P3H2: variants seen among roughly 807,000 people sequenced by gnomAD.
P3H2 encodes prolyl 3-hydroxylase 2, also known as leprecan-like 1.
Under a neutral mutation model 87.0 loss-of-function variants are expected in P3H2, and 80 were observed. That is an observed-to-expected ratio of 0.92 (90% CI 0.77 to 1.11). The LOEUF (loss-of-function observed/expected upper bound fraction) is 1.11. Among genes scored for constraint, P3H2 ranks in the 50% least tolerant of loss-of-function variants. The probability of loss-of-function intolerance (pLI) is 0.00; values close to 1 mark genes in which losing one functional copy is unlikely to be tolerated. For missense variants in P3H2, 1,001 were observed against 923.9 expected, an observed-to-expected ratio of 1.08 and a Z score of -1.08; for synonymous variants, 367 against 359.3, an observed-to-expected ratio of 1.02 and a Z score of -0.24.
chr3:189,970,191 A>AATATATATATATATATATATATATAT lies in P3H2; in HGVS notation c.1893+599_1893+624dup, dbSNP rs71175322. Among the ~76,000 whole-genome samples the AATATATATATATATATATATATATAT allele has an allele frequency of 4.2e-3, 225 of 53,882 alleles. 13 individuals carry two copies. The highest frequency in any genetic ancestry group is 7.5e-3 in the East Asian group (8 of 1,062). 35.3% of individuals were successfully genotyped at this position (53,882 alleles called of 152,430 possible). On this transcript the variant is annotated intron_variant, in intron 13 of 14. Coordinates refer to ENST00000319332, the MANE Select transcript of P3H2 (RefSeq NM_018192.4). ...ATCTCTCTATGCATATATATATGCA[A>AATATATATATATATATATATATATAT]ATATATATATATATATATATATATA...
chr3:189,972,622 C>T (rs1483911571), intron 11 of P3H2, among the ~76,000 whole-genome samples: 1 of 150,946 alleles, frequency 6.6e-6, no homozygotes, highest in East Asian at 1.9e-4. Flanking sequence ...ATTTTTTTTT[C>T]CCAAGACTTC....
At chr3:190,090,058 G>C (rs1451918001) in intron 1 of P3H2, among the ~76,000 whole-genome samples, 1 of 152,052 alleles carries the variant, frequency 6.6e-6, no homozygotes, top group East Asian at 1.9e-4. Flanking sequence ...CTTCTCTGTA[G>C]GTAGATTTAT....
intron 4 of P3H2, among the ~76,000 whole-genome samples, chr3:189,988,583 A>AT (rs1298062637): frequency 6.6e-6 from 1 of 152,184 alleles, no homozygotes; most frequent in Non-Finnish European, 1.5e-5. Flanking sequence ...ATAATAAATA[A>AT]TGTTTTGTTT....
chr3:190,048,074 CTGTT>C (rs1354829868), intron 1 of P3H2, among the ~76,000 whole-genome samples: 1 of 152,168 alleles, frequency 6.6e-6, no homozygotes, highest in East Asian at 1.9e-4. Flanking sequence ...CCCTCAAGGA[CTGTT>C]GAATACAGAA....
intron 1 of P3H2, among the ~76,000 whole-genome samples, chr3:190,037,911 A>G (rs945341263): frequency 1.9e-5 from 1 of 52,444 alleles, no homozygotes; most frequent in Non-Finnish European, 3.7e-5. Flanking sequence ...ACCAACATTT[A>G]TTTTTGTACA....
chr3:190,024,550 AAAAGAAAG>A (rs1408953661), intron 1 of P3H2, among the ~76,000 whole-genome samples: 3 of 149,042 alleles, frequency 2.0e-5, no homozygotes, highest in African/African-American at 7.6e-5. Flanking sequence ...AAAAAAAAAA[AAAAGAAAG>A]AAAGAAAGAA....
At chr3:190,050,477 T>C (rs1352601161) in intron 1 of P3H2, among the ~76,000 whole-genome samples, 3 of 152,202 alleles carry the variant, frequency 2.0e-5, no homozygotes, top group African/African-American at 4.8e-5. Context: ...TCTAGAAGTA[T>C]CTATGCTTCT....
chr3:190,092,409 G>A (rs987454416), intron 1 of P3H2, among the ~76,000 whole-genome samples: 4 of 152,138 alleles, frequency 2.6e-5, no homozygotes, highest in African/African-American at 7.2e-5. Flanking sequence ...TTGCTAAAAA[G>A]CAAAACCCTC....
At chr3:190,016,172 TA>T (rs1724747210) in intron 1 of P3H2, among the ~76,000 whole-genome samples, 1 of 152,264 alleles carries the variant, frequency 6.6e-6, no homozygotes, top group Admixed American at 6.5e-5. Context: ...TGATAAATCC[TA>T]ATTTGTTTTA....
chr3:190,057,136 TA>T, intron 1 of P3H2, among the ~76,000 whole-genome samples: 1 of 152,286 alleles, frequency 6.6e-6, no homozygotes, highest in South Asian at 2.1e-4. Context: ...AAAAATTTAG[TA>T]GGCCTAACTT....
chr3:190,053,006 A>C (rs964678499), intron 1 of P3H2, among the ~76,000 whole-genome samples: 1 of 152,150 alleles, frequency 6.6e-6, no homozygotes, highest in Non-Finnish European at 1.5e-5. Context: ...AAATACAGCA[A>C]ATCTTTTTAT....
intron 4 of P3H2, among the ~76,000 whole-genome samples, chr3:189,988,519 G>A (rs1008205682): frequency 2.0e-5 from 3 of 152,080 alleles, no homozygotes; most frequent in Admixed American, 1.3e-4. Flanking sequence ...TCTCATCTTT[G>A]ATTCACTGTT....
At position 189,994,191 on chromosome 3, in the gene P3H2, A is replaced by T; in HGVS notation, c.726T>A (p.Val242=). Residue 242 remains valine (V), a synonymous_variant, in exon 3 of 15, where the codon GTT becomes GTA. Coordinates refer to ENST00000319332, the MANE Select transcript of P3H2 (RefSeq NM_018192.4). ...ATAGGGTCCGGCATTCTGTATCTTCAACGAAATATTCTCTTAAGGCTTGTT... is the reference window on the plus strand; with the variant it reads ...ATAGGGTCCGGCATTCTGTATCTTCTACGAAATATTCTCTTAAGGCTTGTT... ...HFEQALREYF[V]EDTECRTLCE... is the part of the protein sequence containing the mutation. 1 of 1,613,834 alleles carries T rather than the reference A, an allele frequency of 6.2e-7. No individual in the cohort carries two copies. The highest frequency in any genetic ancestry group is 8.5e-7 in the Non-Finnish European group (1 of 1,179,874).
At chr3:190,100,041 C>T (rs929540267) in intron 1 of P3H2, among the ~76,000 whole-genome samples, 9 of 152,196 alleles carry the variant, frequency 5.9e-5, no homozygotes, top group East Asian at 3.9e-4. Context: ...CGAGACCAGC[C>T]GGCCCAACAT....
chr3:190,065,822 T>C (rs1675618636), intron 1 of P3H2, among the ~76,000 whole-genome samples: 1 of 152,092 alleles, frequency 6.6e-6, no homozygotes, highest in South Asian at 2.1e-4. Flanking sequence ...TATGAAACAC[T>C]TTTTGATGTG....
At chr3:190,017,637 T>G (rs1480885134) in intron 1 of P3H2, among the ~76,000 whole-genome samples, 1 of 152,194 alleles carries the variant, frequency 6.6e-6, no homozygotes, top group African/African-American at 2.4e-5. Context: ...GCCACACCCC[T>G]AAGCCACAAT....
chr3:190,028,249 T>C (rs1319180648), intron 1 of P3H2, among the ~76,000 whole-genome samples: 1 of 152,160 alleles, frequency 6.6e-6, no homozygotes, highest in Non-Finnish European at 1.5e-5. Flanking sequence ...GCAAGAGAAA[T>C]AGCAAAGCCA....
chr3:190,066,265 T>C (rs1351874523), intron 1 of P3H2, among the ~76,000 whole-genome samples: 1 of 151,866 alleles, frequency 6.6e-6, no homozygotes, highest in Non-Finnish European at 1.5e-5. Flanking sequence ...TATATATATG[T>C]GGTATATACA....
In P3H2 at chr3:190,105,379, G is replaced by A. The variant is rs1410394724; in HGVS notation, c.480+14873C>T. Among the ~76,000 whole-genome samples, 6 of 152,164 alleles carry A rather than the reference G, an allele frequency of 3.9e-5. No homozygotes were observed. In the South Asian group the frequency reaches 8.3e-4, roughly 21 times the overall value. On this transcript the variant is annotated intron_variant, in intron 1 of 14. Transcript: ENST00000319332. ...GATAATCTTTTTTGAAACTGCAAAA[G>A]GAGATTTTTTGTTGTTGTTGCTTGT...
Sources: allele counts gnomAD v4.1 joint callset (sites outside exome capture counted in the v4.1 genomes callset), GRCh38; gene constraint gnomAD v4.1.1; transcripts MANE v1.5; gene names NCBI Gene and HGNC (gene_info 2026-07-23, HGNC 2026-07-21).